KLHL5: variants seen among roughly 807,000 people sequenced by gnomAD.
The protein encoded by KLHL5 is kelch-like protein 5.
KLHL5 carries 48 observed loss-of-function variants against 77.7 expected under a neutral mutation model. The observed-to-expected ratio is 0.62, with a 90% CI of 0.49 to 0.79. KLHL5 has a LOEUF of 0.79. Among genes scored for constraint, KLHL5 ranks in the 30% least tolerant of loss-of-function variants. KLHL5 has a pLI of 0.00. For missense variants in KLHL5, 723 were observed against 859.7 expected, an observed-to-expected ratio of 0.84 and a Z score of 1.99; for synonymous variants, 260 against 297.0, an observed-to-expected ratio of 0.88 and a Z score of 1.28.
At chr4:39,134,161 C>G in the KLHL5 span, 1 of 152,200 alleles carries the variant, frequency 6.6e-6, no homozygotes, top group Non-Finnish European at 1.5e-5. Context: ...CTGAGAAAGT[C>G]TCTAAGAGCC....
downstream of KLHL5, among the ~76,000 whole-genome samples, chr4:39,126,287 A>G (rs1042567833): frequency 5.3e-5 from 8 of 152,246 alleles, no homozygotes; most frequent in African/African-American, 1.9e-4. Context: ...AAAAAAAATC[A>G]AATGCCATGA....
chr4:39,132,918 C>T, the KLHL5 span, among the ~76,000 whole-genome samples: 4 of 148,538 alleles, frequency 2.7e-5, no homozygotes, highest in African/African-American at 5.3e-5. Flanking sequence ...TATTGACTGC[C>T]ATTACTATAA....
intron 1 of KLHL5, among the ~76,000 whole-genome samples, chr4:39,056,953 C>T (rs1717049636): frequency 6.6e-6 from 1 of 152,192 alleles, no homozygotes; most frequent in South Asian, 2.1e-4. Flanking sequence ...AGCTGTGCCT[C>T]TCACATGGTA....
At chr4:39,062,206 A>G, upstream of KLHL5, 1 of 1,092,860 alleles carries the variant, frequency 9.2e-7, no homozygotes, top group South Asian at 3.2e-5. Context: ...GAAAGAGTTA[A>G]TATACTAAGC....
chr4:39,141,993 A>G, the KLHL5 span, among the ~76,000 whole-genome samples: 5 of 152,078 alleles, frequency 3.3e-5, no homozygotes, highest in Admixed American at 2.6e-4. Flanking sequence ...CCCTATAAAC[A>G]ATTATTTTTA....
rs370840660 is a variant in KLHL5, at chr4:39,121,021, G to C, written c.2085G>C (p.Leu695=). 12 of 1,613,204 alleles carry C rather than the reference G, an allele frequency of 7.4e-6. No homozygotes were observed. The highest frequency in any genetic ancestry group is 1.0e-5 in the Non-Finnish European group (12 of 1,179,360). Residue 695 remains leucine (L), a synonymous_variant, in exon 11 of 11, where the codon CTG becomes CTC. Coordinates refer to ENST00000504108, the MANE Select transcript of KLHL5 (RefSeq NM_015990.5). ...TTTTTCCTTTTTAGGTTGCTCCACT[G>C]TGCCTAGGAAGAGCTGGAGCTTGTG... ...QTNEWTQVAP[L]CLGRAGACVV... is the part of the protein sequence containing the mutation.
chr4:39,062,371 G>A lies in KLHL5; in HGVS notation c.-282G>A, dbSNP rs1177063178. 4.2e-6 allele frequency: 6 copies of A among 1,440,428 alleles called. No homozygotes were observed. The East Asian group carries it at 1.0e-4, about 24-fold the overall frequency. The allele number at this position is 1,440,428 out of a possible 1,614,324, so 89.2% of individuals were successfully genotyped here. A position where few individuals can be genotyped will look rare whatever the true frequency, so the allele number is the denominator to read the frequency against. Reference sequence around the variant, plus strand: ...TGGTCAGTATGGGAAAGGAGAGCCGGGAAAGTGGTCTAGCTGCTTCAGGAT... The same window carrying A: ...TGGTCAGTATGGGAAAGGAGAGCCGAGAAAGTGGTCTAGCTGCTTCAGGAT... On this transcript the variant is annotated 5_prime_UTR_variant, in exon 1 of 11. Coordinates refer to ENST00000504108, the MANE Select transcript of KLHL5 (RefSeq NM_015990.5).
intron 7 of KLHL5, among the ~76,000 whole-genome samples, chr4:39,106,251 C>T (rs748024826): frequency 1.3e-5 from 2 of 152,198 alleles, no homozygotes; most frequent in Non-Finnish European, 2.9e-5. Context: ...TCCTCTGCCT[C>T]ACCTTCTCTT....
chr4:39,056,695 TA>T (rs1300334343), intron 1 of KLHL5, among the ~76,000 whole-genome samples: 1 of 152,224 alleles, frequency 6.6e-6, no homozygotes, highest in Non-Finnish European at 1.5e-5. Context: ...AGTCCTATCC[TA>T]GCTGTTTGAT....
At chr4:39,048,638 C>CTTTTTTTTTTTTT (rs34713116) in intron 1 of KLHL5, among the ~76,000 whole-genome samples, 6 of 79,142 alleles carry the variant, frequency 7.6e-5, no homozygotes, top group African/African-American at 2.7e-4. Flanking sequence ...TTTACATTGG[C>CTTTTTTTTTTTTT]TTTTTTTTTT....
At chr4:39,140,772 A>G in the KLHL5 span, among the ~76,000 whole-genome samples, 2 of 152,220 alleles carry the variant, frequency 1.3e-5, no homozygotes, top group Non-Finnish European at 2.9e-5. Flanking sequence ...ACATTACCTC[A>G]TCAACTCTTT....
chr4:39,138,081 C>G, the KLHL5 span, among the ~76,000 whole-genome samples: 1 of 151,872 alleles, frequency 6.6e-6, no homozygotes, highest in East Asian at 2.0e-4. Flanking sequence ...GAAAAAGGAG[C>G]ACTTATACAC....
At chr4:39,047,017 T>C (rs1716241274) in intron 1 of KLHL5, among the ~76,000 whole-genome samples, 1 of 151,916 alleles carries the variant, frequency 6.6e-6, no homozygotes, top group Non-Finnish European at 1.5e-5. Context: ...CTTGGAGATT[T>C]ACTATACTAA....
chr4:39,088,958 T>C (rs1394360288), intron 5 of KLHL5, among the ~76,000 whole-genome samples: 1 of 152,196 alleles, frequency 6.6e-6, no homozygotes, highest in African/African-American at 2.4e-5. Flanking sequence ...GGAGAACCTC[T>C]AGTTATGCCA....
At chr4:39,073,135 G>A (rs919042134) in intron 1 of KLHL5, among the ~76,000 whole-genome samples, 5 of 151,928 alleles carry the variant, frequency 3.3e-5, no homozygotes, top group African/African-American at 9.7e-5. Flanking sequence ...TCTCGCCTCC[G>A]ACCTATTGAA....
intron 10 of KLHL5, among the ~76,000 whole-genome samples, chr4:39,119,926 G>GTTAT (rs34236284): frequency 0.52 from 78,270 of 151,516 alleles, 20,861 homozygotes; most frequent in Non-Finnish European, 0.59. Context: ...TTTAAAATAG[G>GTTAT]TTGATTGTTC....
intron 9 of KLHL5, among the ~76,000 whole-genome samples, chr4:39,113,704 A>T (rs777844486): frequency 6.6e-6 from 1 of 152,214 alleles, no homozygotes; most frequent in African/African-American, 2.4e-5. Context: ...CCCATTTATT[A>T]TGTTTAGTCT....
At chr4:39,101,565 A>C (rs1721546918) in intron 6 of KLHL5, among the ~76,000 whole-genome samples, 1 of 152,108 alleles carries the variant, frequency 6.6e-6, no homozygotes, top group African/African-American at 2.4e-5. Context: ...ACAGAGGTAA[A>C]GGCCGGGCAA....
the KLHL5 span, among the ~76,000 whole-genome samples, chr4:39,141,021 C>T: frequency 6.6e-6 from 1 of 152,008 alleles, no homozygotes; most frequent in Admixed American, 6.6e-5. Context: ...AATAGCTTGC[C>T]AGTGATGAGC....
Sources: gnomAD v4.1 joint callset for allele counts (sites outside exome capture counted in the v4.1 genomes callset) on GRCh38, gnomAD v4.1.1 for gene constraint, MANE v1.5 for transcripts, NCBI Gene and HGNC (gene_info 2026-07-23, HGNC 2026-07-21) for gene names.